Variants in SGCZ observed in about 807,000 individuals in gnomAD.
SGCZ encodes the protein sarcoglycan zeta, also known as zeta-sarcoglycan.
SGCZ carries 40 observed loss-of-function variants against 41.3 expected under a neutral mutation model. The observed-to-expected ratio is 0.97, with a 90% confidence interval of 0.75 to 1.26. The LOEUF is 1.26. Among genes scored for constraint, SGCZ ranks in the 50% most tolerant of loss-of-function variants. The probability of loss-of-function intolerance (pLI) is 0.00; values close to 1 mark genes in which losing one functional copy is unlikely to be tolerated. For missense variants in SGCZ, 552 were observed against 369.8 expected, an observed-to-expected ratio of 1.49 and a Z score of -4.04; for synonymous variants, 206 against 137.5, an observed-to-expected ratio of 1.50 and a Z score of -3.49.
At chr8:15,069,385 T>C (rs1392852741) in intron 1 of SGCZ, among the ~76,000 whole-genome samples, 1 of 152,200 alleles carries the variant, frequency 6.6e-6, no homozygotes, top group Non-Finnish European at 1.5e-5. Context: ...TTGCTTATTA[T>C]TTACAAGCTT....
chr8:14,955,545 A>C (rs954954232), intron 1 of SGCZ, among the ~76,000 whole-genome samples: 2 of 152,330 alleles, frequency 1.3e-5, no homozygotes, highest in South Asian at 4.1e-4. Context: ...ATGCTGCTCC[A>C]TATTGTTACC....
At chr8:14,835,711 A>G (rs1802676590) in intron 1 of SGCZ, among the ~76,000 whole-genome samples, 1 of 152,216 alleles carries the variant, frequency 6.6e-6, no homozygotes, top group Admixed American at 6.5e-5. Flanking sequence ...GCCTAACAAC[A>G]GAAGCACAGT....
At chr8:14,639,587 G>C (rs186167332) in intron 1 of SGCZ, among the ~76,000 whole-genome samples, 113 of 151,762 alleles carry the variant, frequency 7.4e-4, no homozygotes, top group African/African-American at 2.5e-3. Flanking sequence ...TAATCTTGAA[G>C]GCCTCCTGAT....
intron 4 of SGCZ, among the ~76,000 whole-genome samples, chr8:14,194,853 C>T (rs7840997): frequency 0.99 from 151,131 of 151,934 alleles, 75,172 homozygotes; most frequent in South Asian, 1. Flanking sequence ...CCATGGGGCA[C>T]TGGTATTGTA....
chr8:14,823,021 T>C (rs1802164166), intron 1 of SGCZ, among the ~76,000 whole-genome samples: 3 of 124,292 alleles, frequency 2.4e-5, no homozygotes, highest in South Asian at 2.7e-4. Flanking sequence ...GCCACTGCAC[T>C]CCAGCCTGGG....
intron 1 of SGCZ, among the ~76,000 whole-genome samples, chr8:14,652,345 A>AG (rs1554473402): frequency 0.04 from 178 of 4,418 alleles, 2 homozygotes; most frequent in Admixed American, 0.035. Flanking sequence ...AAAAAAAAAA[A>AG]AGGGGGGGGT....
At chr8:15,095,349 T>C (rs187372053) in intron 1 of SGCZ, among the ~76,000 whole-genome samples, 1 of 152,298 alleles carries the variant, frequency 6.6e-6, no homozygotes, top group East Asian at 1.9e-4. Context: ...TGCGCCTGCC[T>C]CGGCCTCCCA....
At chr8:15,024,201 A>G (rs1803362723) in intron 1 of SGCZ, among the ~76,000 whole-genome samples, 1 of 152,180 alleles carries the variant, frequency 6.6e-6, no homozygotes, top group Non-Finnish European at 1.5e-5. Flanking sequence ...ATAAACAAAT[A>G]CATGTTTATA....
At chr8:14,579,942 A>G (rs1804832933) in intron 1 of SGCZ, among the ~76,000 whole-genome samples, 1 of 152,140 alleles carries the variant, frequency 6.6e-6, no homozygotes, top group Admixed American at 6.5e-5. Context: ...AGATTAGTAT[A>G]TTTGTTCTAT....
intron 5 of SGCZ, among the ~76,000 whole-genome samples, chr8:14,150,954 T>C (rs1337167022): frequency 1.3e-5 from 2 of 152,190 alleles, no homozygotes; most frequent in East Asian, 1.9e-4. Context: ...TTCTCACTTA[T>C]TTGTGGGACC....
chr8:14,193,330 C>G (rs1805164413), intron 4 of SGCZ, among the ~76,000 whole-genome samples: 1 of 17,286 alleles, frequency 5.8e-5, no homozygotes, highest in Non-Finnish European at 1.1e-4. Flanking sequence ...AAAAATGCAG[C>G]ATGCTATTTT....
At chr8:15,098,257 C>T (rs1318228590) in intron 1 of SGCZ, among the ~76,000 whole-genome samples, 7 of 152,058 alleles carry the variant, frequency 4.6e-5, no homozygotes, top group Non-Finnish European at 5.9e-5. Flanking sequence ...AAAAGGAAAA[C>T]TGAAACAAGT....
At chr8:14,699,597 A>G (rs1341491481) in intron 1 of SGCZ, among the ~76,000 whole-genome samples, 1 of 151,986 alleles carries the variant, frequency 6.6e-6, no homozygotes, top group Non-Finnish European at 1.5e-5. Flanking sequence ...CAATTGCAGC[A>G]AAACAAAAAC....
intron 4 of SGCZ, among the ~76,000 whole-genome samples, chr8:14,234,279 T>G (rs1242044640): frequency 6.6e-6 from 1 of 152,068 alleles, no homozygotes. Flanking sequence ...GGATTAGAAT[T>G]AGTACATAGG....
chr8:14,693,010 G>GTGGCCAAGATGCAACCGTGGCTATAA (rs1808847362), intron 1 of SGCZ, among the ~76,000 whole-genome samples: 1 of 152,158 alleles, frequency 6.6e-6, no homozygotes, highest in Non-Finnish European at 1.5e-5. Flanking sequence ...TTAATGGATA[G>GTGGCCAAGATGCAACCGTGGCTATAA]TGGCCAAGAT....
intron 1 of SGCZ, among the ~76,000 whole-genome samples, chr8:14,744,521 C>T (rs1381751784): frequency 6.6e-6 from 1 of 152,080 alleles, no homozygotes; most frequent in African/African-American, 2.4e-5. Context: ...GGAGAAGTAA[C>T]TGAATTTATT....
intron 2 of SGCZ, among the ~76,000 whole-genome samples, chr8:14,542,136 T>C (rs1803488462): frequency 6.6e-6 from 1 of 152,156 alleles, no homozygotes; most frequent in South Asian, 2.1e-4. Context: ...TTTAGTTTAA[T>C]TAGATCACAT....
intron 3 of SGCZ, among the ~76,000 whole-genome samples, chr8:14,254,366 A>T (rs1799389675): frequency 6.6e-6 from 1 of 152,202 alleles, no homozygotes; most frequent in Non-Finnish European, 1.5e-5. Context: ...TTCGCTTGTA[A>T]ATTTGGGCAA....
chr8:14,645,533 A>T (rs547128505), intron 1 of SGCZ, among the ~76,000 whole-genome samples: 120 of 138,002 alleles, frequency 8.7e-4, no homozygotes, highest in Non-Finnish European at 1.5e-3. Context: ...TGTTTATTTT[A>T]AAAATGCTGT....
Sources: gnomAD v4.1 joint callset for allele counts (sites outside exome capture counted in the v4.1 genomes callset) on GRCh38, gnomAD v4.1.1 for gene constraint, MANE v1.5 for transcripts, NCBI Gene and HGNC (gene_info 2026-07-23, HGNC 2026-07-21) for gene names.